Variants in PCDH11X observed in about 807,000 individuals in gnomAD.
PCDH11X encodes protocadherin-11 X-linked.
In PCDH11X, 18 loss-of-function variants were observed where a neutral mutation model predicts 53.3. That is an observed-to-expected ratio of 0.34 (90% CI 0.23 to 0.50). The LOEUF is 0.50. Among genes scored for constraint, PCDH11X ranks in the 20% least tolerant of loss-of-function variants. The pLI, the probability that PCDH11X is intolerant of heterozygous loss-of-function variation, is 0.98. For synonymous variants in PCDH11X, 279 were observed against 393.3 expected (o/e 0.71, Z 3.44); for missense variants, 570 against 1,032.4 (o/e 0.55, Z 6.14).
At chrX:92,233,346 T>C (rs2067117043) in intron 7 of PCDH11X, among the ~76,000 whole-genome samples, 1 of 111,492 alleles carries the variant, frequency 9.0e-6, no homozygotes, top group Non-Finnish European at 1.9e-5. Flanking sequence ...CATGCAACTC[T>C]TCAGAAACTT....
At chrX:92,067,316 A>ATTATGTTGAGATACG (rs1398399979) in intron 6 of PCDH11X, among the ~76,000 whole-genome samples, 1 of 109,581 alleles carries the variant, frequency 9.1e-6, no homozygotes, top group Non-Finnish European at 1.9e-5. Context: ...TATTGCTATT[A>ATTATGTTGAGATACG]TTATGTTGAG....
intron 10 of PCDH11X, among the ~76,000 whole-genome samples, chrX:92,472,483 G>C (rs1603338827): frequency 1.0e-5 from 1 of 97,861 alleles, no homozygotes; most frequent in Admixed American, 1.3e-4. Flanking sequence ...GTCTGTTCCT[G>C]TACCAGTGCC....
At chrX:91,990,818 C>T (rs770040769) in intron 6 of PCDH11X, among the ~76,000 whole-genome samples, 117 of 105,092 alleles carry the variant, frequency 1.1e-3, no homozygotes, top group African/African-American at 3.8e-3. Flanking sequence ...CTACTCACTG[C>T]GTGGCCTCCC....
chrX:91,781,738 G>C (rs1201094444), intron 1 of PCDH11X, among the ~76,000 whole-genome samples: 1 of 111,890 alleles, frequency 8.9e-6, no homozygotes. Flanking sequence ...AAGTAATAGT[G>C]TATGTACACG....
At chrX:92,448,381 T>G (rs1603323766) in intron 9 of PCDH11X, among the ~76,000 whole-genome samples, 1 of 83,694 alleles carries the variant, frequency 1.2e-5, no homozygotes, top group Admixed American at 1.4e-4. Flanking sequence ...TGGGGGTGGG[T>G]CTTTCCTGCA....
At chrX:91,972,137 A>C (rs1355052557) in intron 6 of PCDH11X, among the ~76,000 whole-genome samples, 2 of 104,443 alleles carry the variant, frequency 1.9e-5, no homozygotes, top group Non-Finnish European at 2.0e-5. Flanking sequence ...AATGATTGCC[A>C]TTCTAACTGG....
intron 6 of PCDH11X, among the ~76,000 whole-genome samples, chrX:92,167,306 A>G (rs1252352235): frequency 4.5e-5 from 5 of 112,021 alleles, no homozygotes; most frequent in Non-Finnish European, 7.5e-5. Flanking sequence ...CTAGTGCAAA[A>G]AAAATAGGCA....
At chrX:92,544,815 G>C (rs1012834905) in intron 10 of PCDH11X, among the ~76,000 whole-genome samples, 1 of 109,548 alleles carries the variant, frequency 9.1e-6, no homozygotes, top group Non-Finnish European at 1.9e-5. Context: ...ATTAATAATG[G>C]AAGCACTTTT....
At chrX:92,180,102 C>T (rs923291672) in intron 6 of PCDH11X, among the ~76,000 whole-genome samples, 2 of 112,162 alleles carry the variant, frequency 1.8e-5, no homozygotes, top group Non-Finnish European at 3.8e-5. Flanking sequence ...GCTGAAAAGC[C>T]TCAGGAAACT....
intron 6 of PCDH11X, among the ~76,000 whole-genome samples, chrX:92,111,064 A>C (rs1569362112): frequency 1.9e-5 from 2 of 107,096 alleles, no homozygotes; most frequent in Non-Finnish European, 3.8e-5. Context: ...AGACCTTCTA[A>C]ATACTTGGCA....
rs1349296897 is a variant in PCDH11X, at chrX:92,055,283, T to C, written c.3034-146092T>C. The stretch of plus-strand genomic sequence containing the variant: ...GTTTACAGGTTGCAGGATTATTTCA[T>C]TACTATGTTTCTCTTAGAAAAAGAG... On this transcript the variant is annotated intron_variant, in intron 6 of 10. Coordinates refer to ENST00000682573, the MANE Select transcript of PCDH11X (RefSeq NM_032968.5). 2.7e-3 allele frequency among the ~76,000 whole-genome samples: 125 copies of C among 46,709 alleles called. 1 individual carries two copies. The highest frequency in any genetic ancestry group is 1.0e-2 in the African/African-American group (116 of 11,603). 40.6% of individuals were successfully genotyped at this position (46,709 alleles called of 115,157 possible).
intron 10 of PCDH11X, among the ~76,000 whole-genome samples, chrX:92,581,695 G>A (rs1163870844): frequency 8.9e-6 from 1 of 112,009 alleles, no homozygotes; most frequent in East Asian, 2.8e-4. Context: ...GCAAACGTGG[G>A]ACATGACTTT....
chrX:92,234,690 A>G (rs2067139948), intron 7 of PCDH11X, among the ~76,000 whole-genome samples: 1 of 111,367 alleles, frequency 9.0e-6, no homozygotes, highest in Non-Finnish European at 1.9e-5. Context: ...AGGGTTTTAT[A>G]CTCATACCTT....
intron 10 of PCDH11X, among the ~76,000 whole-genome samples, chrX:92,490,320 G>T (rs2073732333): frequency 1.8e-5 from 2 of 110,520 alleles, no homozygotes; most frequent in African/African-American, 6.6e-5. Flanking sequence ...AATATAATTT[G>T]TATTTCCTAA....
intron 6 of PCDH11X, among the ~76,000 whole-genome samples, chrX:92,167,008 A>T (rs1435289914): frequency 9.2e-6 from 1 of 109,200 alleles, no homozygotes; most frequent in Non-Finnish European, 1.9e-5. Flanking sequence ...CACGTTGGCA[A>T]CTCTCCTTAT....
chrX:92,186,741 A>C (rs924060010), intron 6 of PCDH11X, among the ~76,000 whole-genome samples: 51 of 111,117 alleles, frequency 4.6e-4, no homozygotes, highest in African/African-American at 1.6e-3. Flanking sequence ...TAGGAGGAAT[A>C]GGTTCTAGCT....
At chrX:92,349,750 CTTCAGTA>C (rs1463470556) in intron 8 of PCDH11X, among the ~76,000 whole-genome samples, 1 of 111,313 alleles carries the variant, frequency 9.0e-6, no homozygotes, top group Non-Finnish European at 1.9e-5. Flanking sequence ...TCCACTTTCA[CTTCAGTA>C]TTCAGGAACT....
intron 1 of PCDH11X, among the ~76,000 whole-genome samples, chrX:91,807,643 G>A (rs1936164314): frequency 9.0e-6 from 1 of 111,298 alleles, no homozygotes; most frequent in Non-Finnish European, 1.9e-5. Flanking sequence ...TTCAAAAGAG[G>A]TTCATGACCT....
intron 6 of PCDH11X, among the ~76,000 whole-genome samples, chrX:91,905,000 T>A (rs1941098452): frequency 9.1e-6 from 1 of 109,741 alleles, no homozygotes; most frequent in East Asian, 2.8e-4. Context: ...AAGAAAAATA[T>A]AGTGCTATTT....
Sources: allele counts gnomAD v4.1 joint callset (sites outside exome capture counted in the v4.1 genomes callset), GRCh38; gene constraint gnomAD v4.1.1; transcripts MANE v1.5; gene names NCBI Gene and HGNC (gene_info 2026-07-23, HGNC 2026-07-21).